CREBBP: variants seen among roughly 807,000 people sequenced by gnomAD.
The protein encoded by CREBBP is CREB-binding protein.
In CREBBP, 19 loss-of-function variants were observed where a neutral mutation model predicts 265.0. The ratio of observed to expected loss-of-function variants is 0.07; its 90% CI spans 0.05 to 0.11. CREBBP has a LOEUF of 0.11. CREBBP is among the 10% of genes least tolerant of loss of function. The pLI is 1.00. For synonymous variants in CREBBP, 1,457 were observed against 1,223.7 expected, an observed-to-expected ratio of 1.19 and a Z score of -3.98; for missense variants, 2,525 against 3,219.0, an observed-to-expected ratio of 0.78 and a Z score of 5.22.
intron 1 of CREBBP, among the ~76,000 whole-genome samples, chr16:3,877,939 A>C (rs2055437842): frequency 6.6e-6 from 1 of 152,242 alleles, no homozygotes; most frequent in Admixed American, 6.5e-5. Context: ...AAGGTGGTTA[A>C]GTGTGGAAAA....
intron 3 of CREBBP, among the ~76,000 whole-genome samples, chr16:3,807,566 C>A (rs1273868007): frequency 6.6e-6 from 1 of 152,126 alleles, no homozygotes; most frequent in Non-Finnish European, 1.5e-5. Flanking sequence ...TGTGTAAGCA[C>A]GGGCTGGTGA....
intron 6 of CREBBP, among the ~76,000 whole-genome samples, 164 bp from the exon 7 acceptor site, chr16:3,781,470 A>G (rs1196307408): frequency 6.6e-6 from 1 of 152,204 alleles, no homozygotes; most frequent in Non-Finnish European, 1.5e-5. Flanking sequence ...TCTGAGTGTC[A>G]TATTTTCAAT....
intron 2 of CREBBP, among the ~76,000 whole-genome samples, chr16:3,826,841 C>G (rs1301137441): frequency 6.6e-6 from 1 of 152,168 alleles, no homozygotes; most frequent in African/African-American, 2.4e-5. Context: ...GTATGGACTT[C>G]AGTTAATCAC....
At chr16:3,767,485 G>T in intron 16 of CREBBP, 1 of 601,842 alleles carries the variant, frequency 1.7e-6, no homozygotes, top group East Asian at 2.8e-5. Context: ...CTGCAGCCTG[G>T]GTGCCCTCGG....
At chr16:3,861,087 A>G (rs1449509308) in intron 1 of CREBBP, among the ~76,000 whole-genome samples, 1 of 152,136 alleles carries the variant, frequency 6.6e-6, no homozygotes, top group Non-Finnish European at 1.5e-5. Context: ...CCTAGCCAAC[A>G]TGGTGAAACC....
Position 3,770,952 on chromosome 16 carries a change from A to G in CREBBP, c.2498T>C (p.Leu833Pro), listed in dbSNP as rs2141204486. ...GCTGGCCTGAGGCCCCAGCATGTTG[A>G]GAGGGTTAGGAAGAGCAGCACCAGG... ...QVPGAALPNP[L>P]NMLGPQASQL... Residue 833 changes from leucine (L) to proline (P), a missense_variant, in exon 14 of 31, where the codon CTC (leucine) becomes CCC (proline). This residue lies in a region of CREBBP where 548 missense variants were observed against 533.0 expected (regional missense o/e 1.03). Coordinates refer to ENST00000262367, the MANE Select transcript of CREBBP (RefSeq NM_004380.3). 6.2e-7 allele frequency: 1 copy of G among 1,613,690 alleles called. No homozygotes were observed. The highest frequency in any genetic ancestry group is 8.5e-7 in the Non-Finnish European group (1 of 1,180,006).
chr16:3,864,056 T>G (rs1429213456), intron 1 of CREBBP, among the ~76,000 whole-genome samples: 1 of 152,134 alleles, frequency 6.6e-6, no homozygotes, highest in Non-Finnish European at 1.5e-5. Flanking sequence ...AAGAAGAATG[T>G]GGGGGCTGAG....
intron 27 of CREBBP, 44 bp from the exon 28 acceptor site, chr16:3,736,247 G>C (rs367859409): frequency 1.9e-6 from 3 of 1,588,782 alleles, no homozygotes; most frequent in East Asian, 2.2e-5. Context: ...CCATGCACGC[G>C]TGCCCCCCAC....
At chr16:3,734,098 C>G (rs755144678) in intron 28 of CREBBP, among the ~76,000 whole-genome samples, 1 of 152,166 alleles carries the variant, frequency 6.6e-6, no homozygotes, top group Non-Finnish European at 1.5e-5. Flanking sequence ...TCCGTGTTTG[C>G]GACATTCCTC....
chr16:3,862,229 A>T (rs2055091496), intron 1 of CREBBP, among the ~76,000 whole-genome samples: 1 of 152,228 alleles, frequency 6.6e-6, no homozygotes, highest in South Asian at 2.1e-4. Context: ...TCTGAGCAGA[A>T]GTTTAGAGGA....
At chr16:3,846,361 G>A (rs2054667381) in intron 2 of CREBBP, among the ~76,000 whole-genome samples, 1 of 152,162 alleles carries the variant, frequency 6.6e-6, no homozygotes, top group Admixed American at 6.5e-5. Flanking sequence ...TCTTGATGAA[G>A]GTGTAATTTG....
chr16:3,774,739 A>C, intron 11 of CREBBP, 46 bp from the exon 12 acceptor site: 1 of 1,613,406 alleles, frequency 6.2e-7, no homozygotes, highest in Non-Finnish European at 8.5e-7. Flanking sequence ...CACCCACAGG[A>C]AAACAGAATT....
chr16:3,733,805 C>A (rs1378671634), intron 28 of CREBBP, among the ~76,000 whole-genome samples: 1 of 152,112 alleles, frequency 6.6e-6, no homozygotes, highest in Admixed American at 6.5e-5. Flanking sequence ...CCACACCTGG[C>A]TAATTTTTGT....
intron 2 of CREBBP, among the ~76,000 whole-genome samples, chr16:3,839,696 A>AAAGG (rs1252202660): frequency 7.1e-5 from 9 of 126,988 alleles, no homozygotes; most frequent in African/African-American, 2.3e-4. Context: ...AAAGAAAGAA[A>AAAGG]AAGGAAGGAA....
chr16:3,830,945 G>T (rs2054331241), intron 2 of CREBBP, among the ~76,000 whole-genome samples: 1 of 152,104 alleles, frequency 6.6e-6, no homozygotes, highest in Admixed American at 6.6e-5. Context: ...ACCAAGCCTG[G>T]CTATTAATTT....
intron 3 of CREBBP, among the ~76,000 whole-genome samples, chr16:3,808,907 C>T (rs2053883110): frequency 1.3e-5 from 2 of 152,250 alleles, no homozygotes; most frequent in African/African-American, 2.4e-5. Context: ...CAGGAGAGAA[C>T]GGGATCTGTG....
chr16:3,878,718 G>A (rs2055453976), intron 1 of CREBBP, among the ~76,000 whole-genome samples: 1 of 152,152 alleles, frequency 6.6e-6, no homozygotes, highest in African/African-American at 2.4e-5. Context: ...CTGATTTTCA[G>A]ATGCTACCAC....
In CREBBP at chr16:3,757,836, C is replaced by A; in HGVS notation, c.3582G>T (p.Gln1194His). ...TGCGTCCACAGCAATATCCAAGGGA[C>A]TGCATGACAGGGTCAATTTCCTGCT... Reference protein sequence around the residue: ...VFEQEIDPVMQSLGYCCGRKY... With the variant: ...VFEQEIDPVMHSLGYCCGRKY... Residue 1194 changes from glutamine (Q) to histidine (H), a missense_variant, in exon 18 of 31, where the codon CAG (glutamine) becomes CAT (histidine). This residue lies in a region of CREBBP where 252 missense variants were observed against 452.5 expected (regional missense o/e 0.56). Coordinates refer to ENST00000262367, the MANE Select transcript of CREBBP (RefSeq NM_004380.3). 1 of 1,614,206 alleles carries A rather than the reference C, an allele frequency of 6.2e-7. No homozygotes were observed. Among genetic ancestry groups the A allele is most frequent in the South Asian group, 1.1e-5 (1 of 91,082 alleles).
intron 19 of CREBBP, among the ~76,000 whole-genome samples, chr16:3,752,719 T>C (rs529977422): frequency 6.6e-6 from 1 of 152,358 alleles, no homozygotes; most frequent in Admixed American, 6.5e-5. Context: ...TTCATCAATC[T>C]GAAAGACTTA....
Sources: allele counts gnomAD v4.1 joint callset (sites outside exome capture counted in the v4.1 genomes callset), GRCh38; gene constraint gnomAD v4.1.1; regional missense constraint gnomAD v4.1.1; transcripts MANE v1.5; gene names NCBI Gene and HGNC (gene_info 2026-07-23, HGNC 2026-07-21).